The following DCDC1 variants were observed in gnomAD, a reference collection of about 807,000 sequenced individuals.
DCDC1 encodes the protein doublecortin domain-containing protein 1.
In DCDC1, 200 loss-of-function variants were observed where a neutral mutation model predicts 178.3. The observed-to-expected ratio is 1.12, with a 90% confidence interval of 1.00 to 1.26. The LOEUF (loss-of-function observed/expected upper bound fraction) is 1.26, where lower values mean the gene tolerates loss of function less well. Among genes scored for constraint, DCDC1 ranks in the 50% most tolerant of loss-of-function variants. The pLI, the probability that DCDC1 is intolerant of heterozygous loss-of-function variation, is 0.00. For synonymous variants in DCDC1, 690 were observed against 604.8 expected, an observed-to-expected ratio of 1.14 and a Z score of -2.07; for missense variants, 1,983 against 1,749.2, an observed-to-expected ratio of 1.13 and a Z score of -2.38.
Position 31,014,979 on chromosome 11 carries a change from G to A in DCDC1, c.2591+49490C>T, listed in dbSNP as rs369123115. Among the ~76,000 whole-genome samples, 727 of 146,430 alleles carry A rather than the reference G, an allele frequency of 5.0e-3. 5 individuals carry two copies. Among genetic ancestry groups the A allele is most frequent in the South Asian group, 0.015 (71 of 4,612 alleles). On this transcript the variant is annotated intron_variant, in intron 20 of 38. Coordinates refer to ENST00000684477, the MANE Select transcript of DCDC1 (RefSeq NM_001387274.1). ...TTTTTTTTTTTTGAGATGGAGTCTCGCTCTGTCGCCCGGGCTGGATTGCAG... is the reference window on the plus strand; with the variant it reads ...TTTTTTTTTTTTGAGATGGAGTCTCACTCTGTCGCCCGGGCTGGATTGCAG...
chr11:31,307,800 C>G lies in DCDC1; in HGVS notation c.273G>C (p.Gly91=), dbSNP rs1304111491. 1.2e-6 allele frequency: 2 copies of G among 1,614,074 alleles called. No homozygotes were observed. Among genetic ancestry groups the G allele is most frequent in the East Asian group, 2.2e-5 (1 of 44,876 alleles). ...GTGTGGAGCAATCTTGAAGTCCTGA[C>G]CCTTCTGATACTGCTGCTGAATGCA... is the stretch of plus-strand genomic sequence containing the variant. ...RLVHSAAVSE[G]SGLQDCSTHQ... The change falls in exon 4 of 39, where the codon GGG becomes GGC. Residue 91 remains glycine, a synonymous_variant. Transcript: ENST00000684477.
intron 20 of DCDC1, among the ~76,000 whole-genome samples, chr11:31,040,970 A>G (rs1954407552): frequency 6.6e-6 from 1 of 152,216 alleles, no homozygotes; most frequent in African/African-American, 2.4e-5. Context: ...GTTTTGCTCA[A>G]AGTATTTATA....
In DCDC1 at chr11:31,309,838, C is replaced by T. The variant is rs1248724720; in HGVS notation, c.165-1930G>A. On this transcript the variant is annotated intron_variant, in intron 3 of 38. Coordinates refer to ENST00000684477, the MANE Select transcript of DCDC1 (RefSeq NM_001387274.1). ...TCATGTTATATCCTCAATTCTATTG[C>T]CTTCTGACTAAATACTGTTTTATAA... 2.0e-5 allele frequency among the ~76,000 whole-genome samples: 3 copies of T among 152,152 alleles called. No homozygotes were observed. In the East Asian group the frequency reaches 5.8e-4, roughly 29 times the overall value.
rs113670633 is a variant in DCDC1 at position 30,962,044 on chromosome 11, T to G, written c.2592-9476A>C. Among the ~76,000 whole-genome samples, 646 of 152,190 alleles carry G rather than the reference T, an allele frequency of 4.2e-3. 8 individuals are homozygous for G. Among genetic ancestry groups the G allele is most frequent in the African/African-American group, 0.015 (615 of 41,566 alleles). On this transcript the variant is annotated intron_variant, in intron 20 of 38. Transcript: ENST00000684477. ...ACCAGTATCACTGTATGAAATATTT[T>G]AGCCCATTTTTATTTTGCAACTGAC...
chr11:31,290,814 T>C lies in DCDC1; in HGVS notation c.793A>G (p.Asn265Asp). ...ATATCAGTAGGAAGCATCAACCCAT[T>C]CATTGTCCAAGTTACTTTCTTAATT... is the stretch of plus-strand genomic sequence containing the variant. ...LLIKKVTWTM[N>D]GLMLPTDIKR... The change falls in exon 7 of 39, where the codon AAT becomes GAT. Residue 265 changes from asparagine (N) to aspartate (D), a missense_variant. By Grantham distance (23) the Asn-to-Asp change is conservative. Transcript: ENST00000684477. 1 of 1,613,142 alleles carries C rather than the reference T, an allele frequency of 6.2e-7. No homozygotes were observed. Among genetic ancestry groups the C allele is most frequent in the East Asian group, 2.2e-5 (1 of 44,832 alleles).
intron 20 of DCDC1, among the ~76,000 whole-genome samples, chr11:31,008,652 T>C (rs1951994275): frequency 6.6e-6 from 1 of 152,186 alleles, no homozygotes; most frequent in South Asian, 2.1e-4. Flanking sequence ...CAAGAAAACA[T>C]TAAAACAAAC....
intron 9 of DCDC1, among the ~76,000 whole-genome samples, chr11:31,200,362 A>C (rs1242464728): frequency 6.6e-6 from 1 of 152,132 alleles, no homozygotes; most frequent in East Asian, 1.9e-4. Flanking sequence ...AACATAGCTT[A>C]GATTCACTGA....
intron 13 of DCDC1, among the ~76,000 whole-genome samples, chr11:31,105,593 T>C (rs12278373): frequency 0.034 from 5,196 of 152,030 alleles, 281 homozygotes; most frequent in African/African-American, 0.12. Context: ...AATTAAATTA[T>C]ATTTTGAAAT....
Position 31,306,326 on chromosome 11 carries a change from CTT to C in DCDC1, c.495_496del (p.Arg166ThrfsTer9). On this transcript the variant is annotated frameshift_variant, in exon 5 of 39. Transcript: ENST00000684477. LOFTEE classifies it high-confidence loss of function. ...AATCACTCTTGGTTGAAGTTTGTGT[CTT>C]TGAGACAATTTCTGCCAATTCCGGG... 1 of 1,609,834 alleles carries C rather than the reference CTT, an allele frequency of 6.2e-7. No homozygotes were observed. Among genetic ancestry groups the C allele is most frequent in the East Asian group, 2.2e-5 (1 of 44,528 alleles).
At chr11:30,936,176 G>A (rs1260064566) in intron 21 of DCDC1, among the ~76,000 whole-genome samples, 2 of 152,108 alleles carry the variant, frequency 1.3e-5, no homozygotes, top group Non-Finnish European at 2.9e-5. Flanking sequence ...CAGGGTGGAG[G>A]ATATGGCCAG....
chr11:31,111,174 T>C (rs1322712999), intron 11 of DCDC1, among the ~76,000 whole-genome samples: 1 of 152,106 alleles, frequency 6.6e-6, no homozygotes, highest in Admixed American at 6.6e-5. Context: ...CTTTTTATTT[T>C]TTTTCTCAAA....
chr11:30,972,168 C>T (rs1229799560), intron 20 of DCDC1, among the ~76,000 whole-genome samples: 1 of 152,132 alleles, frequency 6.6e-6, no homozygotes, highest in African/African-American at 2.4e-5. Flanking sequence ...AAAGTCTTCT[C>T]CATTGCATAT....
chr11:31,214,726 A>C (rs1973322349), intron 9 of DCDC1, among the ~76,000 whole-genome samples: 1 of 152,206 alleles, frequency 6.6e-6, no homozygotes, highest in South Asian at 2.1e-4. Context: ...GTTACAAATA[A>C]GATAACAGAA....
chr11:31,009,676 T>C (rs1952057663), intron 20 of DCDC1, among the ~76,000 whole-genome samples: 1 of 152,164 alleles, frequency 6.6e-6, no homozygotes, highest in Admixed American at 6.5e-5. Context: ...TCTCCTCTGC[T>C]TTTTGTTCTA....
chr11:30,969,229 A>C (rs1164667311), intron 20 of DCDC1, among the ~76,000 whole-genome samples: 1 of 152,210 alleles, frequency 6.6e-6, no homozygotes, highest in Non-Finnish European at 1.5e-5. Context: ...GGATTTTGAA[A>C]TAGGTAGATT....
intron 38 of DCDC1, among the ~76,000 whole-genome samples, chr11:30,876,966 T>A (rs529099288): frequency 6.6e-6 from 1 of 152,082 alleles, no homozygotes; most frequent in Non-Finnish European, 1.5e-5. Flanking sequence ...AGAAGTCACA[T>A]GCAATCTTTT....
chr11:31,007,448 T>C (rs1046121729), intron 20 of DCDC1, among the ~76,000 whole-genome samples: 2 of 152,108 alleles, frequency 1.3e-5, no homozygotes, highest in African/African-American at 4.8e-5. Context: ...CCTAACAGGA[T>C]GAAGGGTGGT....
chr11:31,211,521 T>TA (rs1972530430), intron 9 of DCDC1, among the ~76,000 whole-genome samples: 1 of 152,172 alleles, frequency 6.6e-6, no homozygotes, highest in Non-Finnish European at 1.5e-5. Context: ...TGAGATGAAT[T>TA]AAACATGCTT....
At chr11:30,929,522 G>T (rs560586509) in intron 22 of DCDC1, among the ~76,000 whole-genome samples, 249 of 152,112 alleles carry the variant, frequency 1.6e-3, no homozygotes, top group Non-Finnish European at 2.8e-3. Flanking sequence ...TGGTTTGAGA[G>T]TGGGAATTGG....
Sources: allele counts gnomAD v4.1 joint callset (sites outside exome capture counted in the v4.1 genomes callset), GRCh38; gene constraint gnomAD v4.1.1; transcripts MANE v1.5; gene names NCBI Gene and HGNC (gene_info 2026-07-23, HGNC 2026-07-21).